The following SEMA3D variants were observed in gnomAD, a reference collection of about 807,000 sequenced individuals.
The protein encoded by SEMA3D is semaphorin 3D.
SEMA3D carries 84 observed loss-of-function variants against 100.1 expected under a neutral mutation model. The observed-to-expected ratio is 0.84, with a 90% CI of 0.70 to 1.01. The LOEUF is 1.01. Among genes scored for constraint, SEMA3D ranks in the 50% least tolerant of loss-of-function variants. SEMA3D has a pLI of 0.00. For synonymous variants in SEMA3D, 312 were observed against 320.7 expected, an observed-to-expected ratio of 0.97 and a Z score of 0.29; for missense variants, 875 against 934.1, an observed-to-expected ratio of 0.94 and a Z score of 0.82.
chr7:85,218,048 G>A, the SEMA3D span, among the ~76,000 whole-genome samples: 1 of 152,022 alleles, frequency 6.6e-6, no homozygotes, highest in Non-Finnish European at 1.5e-5. Flanking sequence ...GGTCATGGCC[G>A]AGTGCCTGAG....
At chr7:85,218,871 G>A in the SEMA3D span, among the ~76,000 whole-genome samples, 1 of 152,032 alleles carries the variant, frequency 6.6e-6, no homozygotes, top group East Asian at 1.9e-4. Flanking sequence ...GGTTCCAACT[G>A]TCACAGATCC....
At chr7:85,241,467 G>GTGTGTATATATATATATATA in the SEMA3D span, among the ~76,000 whole-genome samples, 11 of 91,960 alleles carry the variant, frequency 1.2e-4, no homozygotes, top group African/African-American at 5.0e-4. Context: ...CTGTGTGTGT[G>GTGTGTATATATATATATATA]TATATATATA....
At chr7:85,173,012 A>G (rs1791126119) in intron 1 of SEMA3D, among the ~76,000 whole-genome samples, 1 of 152,100 alleles carries the variant, frequency 6.6e-6, no homozygotes, top group Admixed American at 6.6e-5. Context: ...GGCACAAAAG[A>G]AACAAGGTTG....
intron 8 of SEMA3D, among the ~76,000 whole-genome samples, chr7:85,060,759 C>A (rs1047662992): frequency 3.3e-5 from 5 of 152,134 alleles, no homozygotes; most frequent in Non-Finnish European, 7.4e-5. Context: ...CTTATAGTCT[C>A]ATTTTCCTAT....
intron 7 of SEMA3D, among the ~76,000 whole-genome samples, chr7:85,066,913 C>CACACACAGAG: frequency 2.0e-4 from 25 of 127,822 alleles, no homozygotes; most frequent in African/African-American, 7.6e-4. Context: ...CACACACACA[C>CACACACAGAG]AGAGAGAGAG....
chr7:85,246,931 C>A, the SEMA3D span, among the ~76,000 whole-genome samples: 1 of 151,010 alleles, frequency 6.6e-6, no homozygotes, highest in Admixed American at 6.6e-5. Flanking sequence ...CAACTACCTG[C>A]AACAAAATAT....
Position 85,042,257 on chromosome 7 carries a change from A to C in SEMA3D, c.890T>G (p.Ile297Arg). The C allele has an allele frequency of 6.2e-7, 1 of 1,613,212 alleles. No homozygotes were observed. The highest frequency in any genetic ancestry group is 8.5e-7 in the Non-Finnish European group (1 of 1,179,262). The stretch of plus-strand genomic sequence containing the variant: ...CTTAAGAAAAGTCGTCCACTTGTTT[A>C]TCAGGCTGCGTTGTCCTCCTACATC... ...KNDVGGQRSL[I>R]NKWTTFLKAR... Residue 297 changes from isoleucine (I) to arginine (R), a missense_variant, in exon 10 of 19, where the codon ATA becomes AGA. Ile to Arg is a moderately conservative substitution (Grantham distance 97). Coordinates refer to ENST00000284136, the MANE Select transcript of SEMA3D (RefSeq NM_001384900.1).
intron 16 of SEMA3D, among the ~76,000 whole-genome samples, chr7:85,014,699 G>A (rs1176846717): frequency 6.6e-6 from 1 of 151,448 alleles, no homozygotes; most frequent in Non-Finnish European, 1.5e-5. Flanking sequence ...AAAACAGTGG[G>A]CATCAGTATA....
chr7:85,011,498 A>C (rs772001393), intron 17 of SEMA3D, among the ~76,000 whole-genome samples: 3 of 151,746 alleles, frequency 2.0e-5, no homozygotes, highest in Non-Finnish European at 4.4e-5. Flanking sequence ...TTGACATAGC[A>C]TTTATTTTAC....
the SEMA3D span, among the ~76,000 whole-genome samples, chr7:85,237,663 A>AT: frequency 2.0e-5 from 3 of 152,070 alleles, no homozygotes; most frequent in Non-Finnish European, 2.9e-5. Context: ...ATGTACCCCA[A>AT]TTTTTTATCT....
rs148943708 is a variant in SEMA3D, at chr7:84,999,176, A to C, written c.*264T>G. 1.7e-3 allele frequency: 758 copies of C among 453,860 alleles called. 8 individuals carry two copies. Among genetic ancestry groups the C allele is most frequent in the African/African-American group, 0.014 (703 of 51,048 alleles). 28.1% of individuals were successfully genotyped at this position (453,860 alleles called of 1,614,324 possible). ...CATGACAATAAATTCCAAAACTCAA[A>C]ACATAAAACATTTACAACTGTAAAC... On this transcript the variant is annotated 3_prime_UTR_variant, in exon 19 of 19. Transcript: ENST00000284136.
chr7:85,135,261 C>CAATTATTTCTTTCTTTTTGATAA (rs1412506985), intron 2 of SEMA3D, among the ~76,000 whole-genome samples: 22 of 152,066 alleles, frequency 1.4e-4, no homozygotes, highest in African/African-American at 5.1e-4. Context: ...GCTATTATGA[C>CAATTATTTCTTTCTTTTTGATAA]AATTATTTCT....
the SEMA3D span, among the ~76,000 whole-genome samples, chr7:85,193,720 A>G: frequency 6.6e-5 from 10 of 152,264 alleles, no homozygotes; most frequent in Non-Finnish European, 1.3e-4. Context: ...AAGTTTAACA[A>G]AAGACTGGGA....
chr7:85,064,391 A>G (rs1374442476), intron 8 of SEMA3D, among the ~76,000 whole-genome samples: 2 of 152,158 alleles, frequency 1.3e-5, no homozygotes, highest in African/African-American at 2.4e-5. Flanking sequence ...TGGATATTCT[A>G]TATTTGTTTT....
chr7:85,125,822 T>A (rs1024918168), intron 2 of SEMA3D, among the ~76,000 whole-genome samples: 6 of 151,758 alleles, frequency 4.0e-5, no homozygotes, highest in Admixed American at 2.0e-4. Context: ...CACATGTGTG[T>A]GTGTTGTGCA....
rs17159590 is a variant in SEMA3D at position 85,063,367 on chromosome 7, A to C, written c.718+2057T>G. Among the ~76,000 whole-genome samples, 972 of 152,224 alleles carry C rather than the reference A, an allele frequency of 6.4e-3. 8 individuals carry two copies. Among genetic ancestry groups the C allele is most frequent in the African/African-American group, 0.022 (930 of 41,546 alleles). On this transcript the variant is annotated intron_variant, in intron 8 of 18. Coordinates refer to ENST00000284136, the MANE Select transcript of SEMA3D (RefSeq NM_001384900.1). ...TTAACTGCTAAGCAGTCTGCCTTGA[A>C]TCTCCTAGAACCATAAAAGTCAGTT...
At chr7:85,209,299 T>G in the SEMA3D span, among the ~76,000 whole-genome samples, 1 of 152,008 alleles carries the variant, frequency 6.6e-6, no homozygotes, top group Non-Finnish European at 1.5e-5. Flanking sequence ...TATGTATATG[T>G]GTGTATATAT....
intron 9 of SEMA3D, among the ~76,000 whole-genome samples, chr7:85,044,350 G>GATA (rs1790945317): frequency 1.3e-5 from 2 of 152,116 alleles, no homozygotes; most frequent in South Asian, 4.1e-4. Context: ...TATGGTATGT[G>GATA]ATACCCAGAG....
At chr7:85,202,299 A>T in the SEMA3D span, among the ~76,000 whole-genome samples, 1 of 147,614 alleles carries the variant, frequency 6.8e-6, no homozygotes, top group African/African-American at 2.5e-5. Context: ...ATGAGTGAGA[A>T]TATGAGGTGT....
Sources: allele counts gnomAD v4.1 joint callset (sites outside exome capture counted in the v4.1 genomes callset), GRCh38; gene constraint gnomAD v4.1.1; transcripts MANE v1.5; gene names NCBI Gene and HGNC (gene_info 2026-07-23, HGNC 2026-07-21).